Variants in GLIS3 observed in about 807,000 individuals in gnomAD.
The protein encoded by GLIS3 is GLIS family zinc finger 3, also known as zinc finger protein GLIS3.
In GLIS3, 53 loss-of-function variants were observed where a neutral mutation model predicts 78.6. The ratio of observed to expected loss-of-function variants is 0.67; its 90% confidence interval spans 0.54 to 0.85. GLIS3 has a LOEUF of 0.85. Ranked by LOEUF, GLIS3 falls within the 40% of genes least tolerant of loss-of-function variation. The pLI is 0.00. For missense variants in GLIS3, 1,703 were observed against 1,231.1 expected, an observed-to-expected ratio of 1.38 and a Z score of -5.74; for synonymous variants, 684 against 509.9, an observed-to-expected ratio of 1.34 and a Z score of -4.60.
chr9:4,405,519 G>T, the GLIS3 span, among the ~76,000 whole-genome samples: 6 of 152,006 alleles, frequency 3.9e-5, no homozygotes, highest in African/African-American at 1.2e-4. Context: ...TATTAAGATT[G>T]AATCAGGAAG....
At chr9:4,179,377 C>T (rs973999606) in intron 2 of GLIS3, among the ~76,000 whole-genome samples, 2 of 152,100 alleles carry the variant, frequency 1.3e-5, no homozygotes, top group Admixed American at 1.3e-4. Context: ...AAAACATGTG[C>T]GAGTAATCCC....
In GLIS3 at chr9:4,160,460, G is replaced by C. The variant is rs1045239946; in HGVS notation, c.389-34519C>G. Among the ~76,000 whole-genome samples the C allele has an allele frequency of 2.0e-5, 3 of 152,334 alleles. 1 individual carries two copies. In the East Asian group the frequency reaches 5.8e-4, roughly 29 times the overall value. On this transcript the variant is annotated intron_variant, in intron 2 of 10. Transcript: ENST00000381971. Reference sequence around the variant, plus strand: ...TCAGAAAGTACATCTCCCGCACAGCGGCAGGCCTGGCATAGCTTGAACCAC... The same window carrying C: ...TCAGAAAGTACATCTCCCGCACAGCCGCAGGCCTGGCATAGCTTGAACCAC...
the GLIS3 span, among the ~76,000 whole-genome samples, chr9:4,374,968 A>T: frequency 1.2e-3 from 180 of 151,482 alleles, no homozygotes; most frequent in Admixed American, 2.6e-3. Context: ...ACAATTTGCA[A>T]CAGTTTGCCG....
intron 2 of GLIS3, among the ~76,000 whole-genome samples, chr9:4,189,096 C>T (rs897101154): frequency 5.9e-5 from 9 of 151,514 alleles, no homozygotes; most frequent in African/African-American, 1.9e-4. Flanking sequence ...GTTAGGGTGT[C>T]AATTTTAGAT....
At chr9:4,472,276 T>C in the GLIS3 span, among the ~76,000 whole-genome samples, 2 of 152,232 alleles carry the variant, frequency 1.3e-5, no homozygotes, top group African/African-American at 4.8e-5. Flanking sequence ...CAAAGGATTA[T>C]AAATCATGCT....
At chr9:4,041,479 T>C (rs529838099) in intron 4 of GLIS3, among the ~76,000 whole-genome samples, 3 of 152,322 alleles carry the variant, frequency 2.0e-5, no homozygotes, top group African/African-American at 7.2e-5. Context: ...GTCAACTTCA[T>C]GGGCACCACC....
At chr9:4,298,172 T>C (rs1816752191) in intron 1 of GLIS3, among the ~76,000 whole-genome samples, 1 of 151,990 alleles carries the variant, frequency 6.6e-6, no homozygotes, top group Non-Finnish European at 1.5e-5. Flanking sequence ...GCCGGGGACC[T>C]GCGCGCGCTG....
intron 2 of GLIS3, among the ~76,000 whole-genome samples, chr9:4,199,069 A>C (rs914415988): frequency 6.6e-6 from 1 of 152,240 alleles, no homozygotes; most frequent in African/African-American, 2.4e-5. Context: ...GAGAGTTCCA[A>C]ACATGGAAAG....
rs559865083 is a variant in GLIS3, at chr9:4,340,967, G to A, written n.264+6114C>T. Among the ~76,000 whole-genome samples, 20 of 152,268 alleles carry A rather than the reference G, an allele frequency of 1.3e-4. No individual in the cohort carries two copies. The East Asian group carries it at 2.9e-3, about 22-fold the overall frequency. On this transcript the variant is annotated intron_variant and non_coding_transcript_variant, in intron 2 of 4. Coordinates refer to the GLIS3 transcript ENST00000471664. ...GCTGGGATTATAGGTGTGAGCCACC[G>A]TGCCTGGCCTCACCTGATATTTTAG...
the GLIS3 span, among the ~76,000 whole-genome samples, chr9:4,418,371 G>A: frequency 6.6e-6 from 1 of 152,134 alleles, no homozygotes; most frequent in African/African-American, 2.4e-5. Flanking sequence ...TGCCCAAATG[G>A]GTAGGTTAAA....
chr9:4,327,241 G>A (rs147884339), intron 2 of GLIS3, among the ~76,000 whole-genome samples: 93 of 152,322 alleles, frequency 6.1e-4, no homozygotes, highest in African/African-American at 2.1e-3. Flanking sequence ...CCAGAGCAGT[G>A]AGACTGAGAG....
intron 2 of GLIS3, among the ~76,000 whole-genome samples, chr9:4,219,448 T>A (rs1378274130): frequency 6.6e-6 from 1 of 152,212 alleles, no homozygotes; most frequent in East Asian, 1.9e-4. Context: ...TAGTGTAGTA[T>A]ACAAATGTCA....
At chr9:4,167,818 G>A (rs542721405) in intron 2 of GLIS3, among the ~76,000 whole-genome samples, 4 of 152,252 alleles carry the variant, frequency 2.6e-5, no homozygotes, top group South Asian at 2.1e-4. Flanking sequence ...TGGTTTACAC[G>A]GCACCTATGG....
chr9:4,156,742 A>C (rs1232539898), intron 2 of GLIS3, among the ~76,000 whole-genome samples: 1 of 152,140 alleles, frequency 6.6e-6, no homozygotes, highest in South Asian at 2.1e-4. Context: ...TCATGCCCTT[A>C]TCTGATGAGG....
intron 2 of GLIS3, among the ~76,000 whole-genome samples, chr9:4,166,540 A>G (rs907441546): frequency 1.3e-5 from 2 of 152,268 alleles, no homozygotes; most frequent in African/African-American, 4.8e-5. Context: ...CACTAATGAT[A>G]TAAGTTCAAG....
the GLIS3 span, among the ~76,000 whole-genome samples, chr9:4,377,811 T>C: frequency 6.6e-6 from 1 of 152,202 alleles, no homozygotes; most frequent in Non-Finnish European, 1.5e-5. Context: ...TTACTGAGTA[T>C]TACTTTTAGT....
At chr9:4,194,690 G>A (rs926751585) in intron 2 of GLIS3, among the ~76,000 whole-genome samples, 1 of 152,190 alleles carries the variant, frequency 6.6e-6, no homozygotes, top group Admixed American at 6.5e-5. Context: ...GCATCTCGCT[G>A]ATAAAAGTGA....
At chr9:4,032,073 C>G (rs1823886102) in intron 4 of GLIS3, among the ~76,000 whole-genome samples, 1 of 152,106 alleles carries the variant, frequency 6.6e-6, no homozygotes. Context: ...CAAAGGCAGC[C>G]TGAGCAGCCC....
At chr9:4,483,921 T>G in the GLIS3 span, among the ~76,000 whole-genome samples, 1 of 152,120 alleles carries the variant, frequency 6.6e-6, no homozygotes, top group Non-Finnish European at 1.5e-5. Context: ...AGCAGCCTCA[T>G]GAAGAAACAA....
Sources: gnomAD v4.1 joint callset for allele counts (sites outside exome capture counted in the v4.1 genomes callset) on GRCh38, gnomAD v4.1.1 for gene constraint, MANE v1.5 for transcripts, NCBI Gene and HGNC (gene_info 2026-07-23, HGNC 2026-07-21) for gene names.